TOM1: variants seen among roughly 807,000 people sequenced by gnomAD.
TOM1 encodes the protein target of Myb protein 1.
A neutral mutation model predicts 61.3 loss-of-function variants in TOM1; 38 were observed. The observed-to-expected ratio is 0.62, with a 90% CI of 0.48 to 0.81. The LOEUF (loss-of-function observed/expected upper bound fraction) is 0.81, where lower values mean the gene tolerates loss of function less well. Among genes scored for constraint, TOM1 ranks in the 40% least tolerant of loss-of-function variants. The pLI is 0.00. For missense variants in TOM1, 591 were observed against 659.6 expected (o/e 0.90, Z 1.14); for synonymous variants, 270 against 268.8 (o/e 1.00, Z -0.04).
chr22:35,309,657 A>G (rs1926647819), intron 1 of TOM1, among the ~76,000 whole-genome samples: 1 of 151,612 alleles, frequency 6.6e-6, no homozygotes, highest in East Asian at 1.9e-4. Flanking sequence ...AAAAAAAAAA[A>G]AAAGAGAGAG....
intron 12 of TOM1, among the ~76,000 whole-genome samples, chr22:35,343,377 C>G (rs1296925996): frequency 6.6e-6 from 1 of 150,544 alleles, no homozygotes; most frequent in African/African-American, 2.4e-5. Flanking sequence ...CACCTCCACA[C>G]ACACCTCCAC....
At chr22:35,322,078 C>T in intron 3 of TOM1, 41 bp downstream of exon 3, 1 of 1,586,754 alleles carries the variant, frequency 6.3e-7, no homozygotes, top group South Asian at 1.1e-5. Flanking sequence ...GGACTACGGT[C>T]CACTGAAAGT....
At chr22:35,309,792 C>T (rs535334819) in intron 1 of TOM1, among the ~76,000 whole-genome samples, 2 of 152,124 alleles carry the variant, frequency 1.3e-5, no homozygotes, top group East Asian at 1.9e-4. Context: ...GTTTCATCCT[C>T]GTGCTTGCAT....
rs746632701 is a variant in TOM1 at position 35,333,434 on chromosome 22, C to T, written c.964C>T (p.Leu322=). The T allele has an allele frequency of 1.2e-6, 2 of 1,614,124 alleles. No individual in the cohort carries two copies. The highest frequency in any genetic ancestry group is 2.2e-5 in the South Asian group (2 of 91,080). ...APSEAEPAAD[L]IDMGPDPAAT... ...AAGTGAGGCCGAGCCGGCAGCTGAC[C>T]TGATCGACATGGGCCCTGACCCAGC... The change falls in exon 10 of 15, where the codon CTG becomes TTG. Residue 322 remains leucine, a synonymous_variant. Transcript: ENST00000449058.
At chr22:35,322,273 A>C in intron 3 of TOM1, 1 of 492,454 alleles carries the variant, frequency 2.0e-6, no homozygotes, top group Non-Finnish European at 3.6e-6. Context: ...TCACTCCAGA[A>C]CCACTGGCAG....
At chr22:35,338,638 C>G in intron 11 of TOM1, 75 bp from the exon 12 acceptor site, 11 of 1,240,900 alleles carry the variant, frequency 8.9e-6, no homozygotes, top group Non-Finnish European at 1.2e-5. Flanking sequence ...TCAATCTGTG[C>G]CCCCCAGCCC....
At chr22:35,303,258 G>C (rs1015690995) in intron 1 of TOM1, among the ~76,000 whole-genome samples, 1 of 151,924 alleles carries the variant, frequency 6.6e-6, no homozygotes, top group African/African-American at 2.4e-5. Context: ...CCTCCCTGAG[G>C]CTTGCCCCAA....
chr22:35,335,395 G>A (rs780780463), intron 11 of TOM1, among the ~76,000 whole-genome samples: 251 of 152,336 alleles, frequency 1.6e-3, no homozygotes, highest in Non-Finnish European at 2.6e-3. Context: ...CCTTAGGGCT[G>A]CCCTGGCTGT....
chr22:35,346,805 G>C (rs958204872), intron 13 of TOM1, 125 bp from the exon 14 acceptor site: 19 of 897,706 alleles, frequency 2.1e-5, no homozygotes, highest in Middle Eastern at 3.5e-4. Flanking sequence ...TGGTGGGGGC[G>C]TGCAGAGCCT....
chr22:35,307,457 C>T (rs978389882), intron 1 of TOM1, among the ~76,000 whole-genome samples: 6 of 152,302 alleles, frequency 3.9e-5, no homozygotes, highest in South Asian at 2.1e-4. Flanking sequence ...ATCACTGGGA[C>T]GTAAGCAGCC....
intron 12 of TOM1, chr22:35,345,508 C>T: frequency 1.7e-6 from 1 of 600,464 alleles, no homozygotes; most frequent in Non-Finnish European, 3.0e-6. Flanking sequence ...TGGCCCTGCT[C>T]CAGCTGCTGG....
chr22:35,333,205 C>A lies in TOM1; in HGVS notation c.933+191C>A. On this transcript the variant is annotated intron_variant, in intron 9 of 14. Coordinates refer to ENST00000449058, the MANE Select transcript of TOM1 (RefSeq NM_005488.3). ...TAAGGCTGTGCCACCACCTGATGCC[C>A]CAGGGTCTCCCCAACCTCCCAGGGA... 1.4e-5 allele frequency: 11 copies of A among 784,046 alleles called. No homozygotes were observed. In the South Asian group the frequency reaches 1.5e-4, roughly 11 times the overall value. The allele number at this position is 784,046 out of a possible 1,614,324, so 48.6% of individuals were successfully genotyped here.
chr22:35,305,710 G>A (rs1406039571), intron 1 of TOM1, among the ~76,000 whole-genome samples: 2 of 151,852 alleles, frequency 1.3e-5, no homozygotes, highest in Non-Finnish European at 2.9e-5. Flanking sequence ...AGAACTGAAT[G>A]TGCAGGGCTC....
At chr22:35,346,533 C>A (rs376543972) in intron 13 of TOM1, among the ~76,000 whole-genome samples, 1 of 152,212 alleles carries the variant, frequency 6.6e-6, no homozygotes, top group African/African-American at 2.4e-5. Context: ...CTTTCCCCCC[C>A]AGGGGTGAGG....
At chr22:35,302,754 G>A (rs1050652300) in intron 1 of TOM1, among the ~76,000 whole-genome samples, 1 of 152,148 alleles carries the variant, frequency 6.6e-6, no homozygotes, top group Admixed American at 6.5e-5. Flanking sequence ...ACTCATCCAA[G>A]ACCCCAGTAA....
At chr22:35,331,243 G>T (rs1356783457) in intron 8 of TOM1, 3 of 432,444 alleles carry the variant, frequency 6.9e-6, no homozygotes. Context: ...CTACAGGCAT[G>T]CACCACCACA....
At chr22:35,344,462 C>T (rs1930332481) in intron 12 of TOM1, 1 of 152,302 alleles carries the variant, frequency 6.6e-6, no homozygotes, top group South Asian at 2.1e-4. Flanking sequence ...GCTTCCGCAG[C>T]TCCTCTGTGC....
intron 1 of TOM1, among the ~76,000 whole-genome samples, chr22:35,311,444 CTCTT>C (rs1329476787): frequency 6.6e-6 from 1 of 152,232 alleles, no homozygotes; most frequent in Non-Finnish European, 1.5e-5. Flanking sequence ...AACAGCCAGA[CTCTT>C]TCTTGTTCTG....
chr22:35,328,609 C>T (rs573963779), intron 7 of TOM1, among the ~76,000 whole-genome samples: 1 of 152,336 alleles, frequency 6.6e-6, no homozygotes, highest in East Asian at 1.9e-4. Flanking sequence ...GCAAAGCCAC[C>T]GTGTGCTTGG....
Sources: allele counts gnomAD v4.1 joint callset (sites outside exome capture counted in the v4.1 genomes callset), GRCh38; gene constraint gnomAD v4.1.1; transcripts MANE v1.5; gene names NCBI Gene and HGNC (gene_info 2026-07-23, HGNC 2026-07-21).